TOMM20: variants seen among roughly 807,000 people sequenced by gnomAD.
TOMM20 encodes the protein translocase of outer mitochondrial membrane 20, also known as mitochondrial import receptor subunit TOM20 homolog.
A neutral mutation model predicts 22.1 loss-of-function variants in TOMM20; 10 were observed. That is an observed-to-expected ratio of 0.45 (90% confidence interval 0.28 to 0.77). TOMM20 has a LOEUF of 0.77. Ranked by LOEUF, TOMM20 falls within the 30% of genes least tolerant of loss-of-function variation. The pLI, the probability that TOMM20 is intolerant of heterozygous loss-of-function variation, is 0.13. For missense variants in TOMM20, 121 were observed against 172.2 expected (o/e 0.70, Z 1.66); for synonymous variants, 55 against 61.4 (o/e 0.90, Z 0.49).
intron 3 of TOMM20, among the ~76,000 whole-genome samples, chr1:235,116,863 C>G (rs976842884): frequency 6.6e-6 from 1 of 151,958 alleles, no homozygotes; most frequent in African/African-American, 2.4e-5. Context: ...GGGCTGGGCA[C>G]GCTGGCTCAA....
At position 235,128,685 on chromosome 1, in the gene TOMM20, C is replaced by A. The variant is rs1190878246; in HGVS notation, c.31G>T (p.Gly11Cys). Reference protein sequence around the residue: MVGRNSAIAAGVCGALFIGYC... With the variant: MVGRNSAIAACVCGALFIGYC... ...CCAATGAAAAGGGCCCCGCATACAC[C>A]GGCGGCGATGGCGCTGTTCCGACCC... The change falls in exon 1 of 5, where the codon GGT becomes TGT. Residue 11 changes from glycine to cysteine, a missense_variant. Physicochemically the swap from Gly to Cys is radical, Grantham distance 159 (BLOSUM62 -3). Coordinates refer to ENST00000366607, the MANE Select transcript of TOMM20 (RefSeq NM_014765.3). 2.5e-6 allele frequency: 4 copies of A among 1,613,984 alleles called. No individual in the cohort carries two copies. Among genetic ancestry groups the A allele is most frequent in the Non-Finnish European group, 3.4e-6 (4 of 1,179,962 alleles).
At chr1:235,125,732 C>T (rs1005225077) in intron 1 of TOMM20, among the ~76,000 whole-genome samples, 9 of 149,756 alleles carry the variant, frequency 6.0e-5, no homozygotes, top group African/African-American at 1.5e-4. Flanking sequence ...CAGCCAGTCA[C>T]GCAACTGCAC....
rs1558127198 is a variant in TOMM20, at chr1:235,111,270, C to T, written c.*794G>A. The T allele has an allele frequency of 6.6e-6, 1 of 152,218 alleles. No homozygotes were observed. 9.4% of individuals were successfully genotyped at this position (152,218 alleles called of 1,614,324 possible). On this transcript the variant is annotated 3_prime_UTR_variant, in exon 5 of 5. Transcript: ENST00000366607. ...TTAAGGTGGATTTAAAGATGCCCAA[C>T]AGAACCCAATGAATCAGAAGCTAAA...
At position 235,113,205 on chromosome 1, in the gene TOMM20, CA is replaced by C. The variant is rs1660768843; in HGVS notation, c.393+562del. ...CATTTTCATTAACTCCTAATTTACA[CA>C]TAAGTTAATCTTTTACAGTATATTA... is the stretch of plus-strand genomic sequence containing the variant. On this transcript the variant is annotated intron_variant, in intron 4 of 4. Transcript: ENST00000366607. 2.0e-5 allele frequency among the ~76,000 whole-genome samples: 3 copies of C among 152,292 alleles called. No individual in the cohort carries two copies. In the South Asian group the frequency reaches 6.2e-4, roughly 32 times the overall value.
At chr1:235,124,270 C>A (rs1450343737) in intron 1 of TOMM20, among the ~76,000 whole-genome samples, 1 of 152,238 alleles carries the variant, frequency 6.6e-6, no homozygotes, top group Non-Finnish European at 1.5e-5. Context: ...TCACTTGAAC[C>A]TGGGAGTTTG....
At position 235,112,026 on chromosome 1, in the gene TOMM20, A is replaced by G; in HGVS notation, c.*38T>C. ...CTCAACTACCAAGAATTTTTAAAATATTTTTAACTGAGATTTTATTATGTT... is the reference window on the plus strand; with the variant it reads ...CTCAACTACCAAGAATTTTTAAAATGTTTTTAACTGAGATTTTATTATGTT... On this transcript the variant is annotated 3_prime_UTR_variant, in exon 5 of 5. Transcript: ENST00000366607. 1 of 1,588,754 alleles carries G rather than the reference A, an allele frequency of 6.3e-7. No individual in the cohort carries two copies. The highest frequency in any genetic ancestry group is 1.1e-5 in the South Asian group (1 of 88,044).
At chr1:235,113,647 A>G (rs544594231) in intron 4 of TOMM20, 121 bp downstream of exon 4, 2 of 1,286,390 alleles carry the variant, frequency 1.6e-6, no homozygotes, top group African/African-American at 3.0e-5. Context: ...TATCTCCCAT[A>G]TTGTTTTCAT....
At chr1:235,125,381 AG>A (rs1660994240) in intron 1 of TOMM20, among the ~76,000 whole-genome samples, 1 of 151,904 alleles carries the variant, frequency 6.6e-6, no homozygotes, top group South Asian at 2.1e-4. Context: ...TGCCCGGCTA[AG>A]TTTTTCTATT....
intron 2 of TOMM20, among the ~76,000 whole-genome samples, chr1:235,120,826 C>T (rs1002670151): frequency 1.4e-5 from 2 of 140,768 alleles, no homozygotes; most frequent in African/African-American, 2.7e-5. Flanking sequence ...GTGACTGCAC[C>T]GCTACTGCAC....
At position 235,109,555 on chromosome 1, in the gene TOMM20, C is replaced by T. The variant is rs1660701391; in HGVS notation, c.*2509G>A. 1 of 152,088 alleles carries T rather than the reference C, an allele frequency of 6.6e-6. No homozygotes were observed. Among genetic ancestry groups the T allele is most frequent in the Non-Finnish European group, 1.5e-5 (1 of 68,012 alleles). The allele number at this position is 152,088 out of a possible 1,614,324, so 9.4% of individuals were successfully genotyped here. On this transcript the variant is annotated 3_prime_UTR_variant, in exon 5 of 5. Transcript: ENST00000366607. Reference sequence around the variant, plus strand: ...TGGGAGGATGGTAAAATAAACTTACCAAGGGGCAAAAGGAACCAAACATTT... The same window carrying T: ...TGGGAGGATGGTAAAATAAACTTACTAAGGGGCAAAAGGAACCAAACATTT...
intron 1 of TOMM20, among the ~76,000 whole-genome samples, chr1:235,124,933 T>C (rs1211600882): frequency 1.3e-5 from 2 of 152,228 alleles, no homozygotes; most frequent in East Asian, 3.8e-4. Flanking sequence ...AAATCAAGCC[T>C]TGACTCAATG....
At position 235,113,731 on chromosome 1, in the gene TOMM20, C is replaced by T. The variant is rs1660780440; in HGVS notation, c.393+37G>A. 5 of 1,570,516 alleles carry T rather than the reference C, an allele frequency of 3.2e-6. No homozygotes were observed. In the African/African-American group the frequency reaches 6.8e-5, roughly 21 times the overall value. On this transcript the variant is annotated intron_variant, in intron 4 of 4. Coordinates refer to ENST00000366607, the MANE Select transcript of TOMM20 (RefSeq NM_014765.3). ...GTCCCTAATCATTCGATTCTAAATC[C>T]CACTCACTTTTATGTCATAACATTC...
Position 235,128,821 on chromosome 1 carries a change from G to C in TOMM20, c.-106C>G. The C allele has an allele frequency of 6.5e-7, 1 of 1,545,820 alleles. No homozygotes were observed. Among genetic ancestry groups the C allele is most frequent in the Non-Finnish European group, 8.7e-7 (1 of 1,147,036 alleles). ...CGCAGCTCACACCCGACGGCCGCGG[G>C]CCAGGAACACAGAAAGGCCGAGCAC... On this transcript the variant is annotated 5_prime_UTR_variant, in exon 1 of 5. Coordinates refer to ENST00000366607, the MANE Select transcript of TOMM20 (RefSeq NM_014765.3).
intron 3 of TOMM20, among the ~76,000 whole-genome samples, chr1:235,115,603 G>A (rs1660815104): frequency 6.6e-6 from 1 of 152,020 alleles, no homozygotes; most frequent in African/African-American, 2.4e-5. Flanking sequence ...CTCCAGCCTG[G>A]GCGACAGAGC....
Position 235,122,373 on chromosome 1 carries a change from C to G in TOMM20, c.122-1G>C. 1 of 1,575,082 alleles carries G rather than the reference C, an allele frequency of 6.3e-7. No homozygotes were observed. The highest frequency in any genetic ancestry group is 8.6e-7 in the Non-Finnish European group (1 of 1,163,524). On this transcript the variant is annotated splice_acceptor_variant, in intron 1 of 4. Coordinates refer to ENST00000366607, the MANE Select transcript of TOMM20 (RefSeq NM_014765.3). LOFTEE classifies it high-confidence loss of function. ...TTGGCAAGCTTCTGTTTCTTTCTTC[C>G]TGCAAGAAATGCAAAGTTATATTTA...
At chr1:235,125,877 G>A (rs1661008725) in intron 1 of TOMM20, among the ~76,000 whole-genome samples, 1 of 150,634 alleles carries the variant, frequency 6.6e-6, no homozygotes, top group Non-Finnish European at 1.5e-5. Context: ...AGTCTCCCAA[G>A]TAGCTGGGAC....
rs1572125210 is a variant in TOMM20 at position 235,111,310 on chromosome 1, G to C, written c.*754C>G. The C allele has an allele frequency of 6.6e-6, 1 of 152,398 alleles. No individual in the cohort carries two copies. Among genetic ancestry groups the C allele is most frequent in the East Asian group, 1.9e-4 (1 of 5,196 alleles). 9.4% of individuals were successfully genotyped at this position (152,398 alleles called of 1,614,324 possible). On this transcript the variant is annotated 3_prime_UTR_variant, in exon 5 of 5. Transcript: ENST00000366607. Reference sequence around the variant, plus strand: ...CAGAAGCTAAAAGGGACACTTCAGTGATCAGCAGACGCATTCTCTCACGTA... The same window carrying C: ...CAGAAGCTAAAAGGGACACTTCAGTCATCAGCAGACGCATTCTCTCACGTA...
rs558397088 is a variant in TOMM20 at position 235,111,121 on chromosome 1, G to C, written c.*943C>G. 44 of 152,098 alleles carry C rather than the reference G, an allele frequency of 2.9e-4. No individual in the cohort carries two copies. The highest frequency in any genetic ancestry group is 4.9e-4 in the Non-Finnish European group (33 of 68,032). The allele number at this position is 152,098 out of a possible 1,614,324, so 9.4% of individuals were successfully genotyped here. A position where few individuals can be genotyped will look rare whatever the true frequency, so the allele number is the denominator to read the frequency against. The stretch of plus-strand genomic sequence containing the variant: ...GTAGTGACAGAACCATATAATTTCA[G>C]TGAAAATCAAGATAGTTATACCATT... On this transcript the variant is annotated 3_prime_UTR_variant, in exon 5 of 5. Coordinates refer to ENST00000366607, the MANE Select transcript of TOMM20 (RefSeq NM_014765.3).
chr1:235,113,772 C>T lies in TOMM20; in HGVS notation c.389G>A (p.Ser130Asn). The stretch of plus-strand genomic sequence containing the variant: ...CATAACATTCCAATTCCTTACCTGA[C>T]TAATTGTTGGGAGCTTAGTCAGAAG... ...QMLLTKLPTISQRIVSAQSLA... is the reference protein window; with the variant it reads ...QMLLTKLPTINQRIVSAQSLA... Residue 130 changes from serine (S) to asparagine (N), a missense_variant, in exon 4 of 5, where the codon AGT becomes AAT. Coordinates refer to ENST00000366607, the MANE Select transcript of TOMM20 (RefSeq NM_014765.3). 6.2e-7 allele frequency: 1 copy of T among 1,608,500 alleles called. No individual in the cohort carries two copies. The highest frequency in any genetic ancestry group is 8.5e-7 in the Non-Finnish European group (1 of 1,178,380).
Sources: allele counts gnomAD v4.1 joint callset (sites outside exome capture counted in the v4.1 genomes callset), GRCh38; gene constraint gnomAD v4.1.1; transcripts MANE v1.5; gene names NCBI Gene and HGNC (gene_info 2026-07-23, HGNC 2026-07-21).